The following ZBTB8B variants were observed in gnomAD, a reference collection of about 807,000 sequenced individuals.
ZBTB8B encodes the protein zinc finger and BTB domain containing 8B.
Under a neutral mutation model 30.3 loss-of-function variants are expected in ZBTB8B, and 17 were observed. The ratio of observed to expected loss-of-function variants is 0.56; its 90% confidence interval spans 0.38 to 0.84. The LOEUF (loss-of-function observed/expected upper bound fraction) is 0.84, where lower values mean the gene tolerates loss of function less well. Ranked by LOEUF, ZBTB8B falls within the 40% of genes least tolerant of loss-of-function variation. The pLI, the probability that ZBTB8B is intolerant of heterozygous loss-of-function variation, is 0.00. For synonymous variants in ZBTB8B, 248 were observed against 255.6 expected, an observed-to-expected ratio of 0.97 and a Z score of 0.28; for missense variants, 515 against 644.9, an observed-to-expected ratio of 0.80 and a Z score of 2.18.
At position 32,492,630 on chromosome 1, in the gene ZBTB8B, A is replaced by C. The variant is rs1643787330; in HGVS notation, c.*7212A>C. The C allele has an allele frequency of 6.6e-6, 1 of 152,176 alleles. No homozygotes were observed. The highest frequency in any genetic ancestry group is 1.5e-5 in the Non-Finnish European group (1 of 68,102). The allele number at this position is 152,176 out of a possible 1,614,324, so 9.4% of individuals were successfully genotyped here. A position where few individuals can be genotyped will look rare whatever the true frequency, so the allele number is the denominator to read the frequency against. On this transcript the variant is annotated 3_prime_UTR_variant, in exon 4 of 4. Transcript: ENST00000609129. ...AAACCGTGCCTCTTATTCCTGTGTC[A>C]TGTGGTGCTACTCTTGCCTGCTTCT...
At chr1:32,476,615 G>A (rs1643666737) in intron 2 of ZBTB8B, among the ~76,000 whole-genome samples, 8 of 151,974 alleles carry the variant, frequency 5.3e-5, no homozygotes, top group Middle Eastern at 6.8e-3. Flanking sequence ...GTTTGACCAC[G>A]TACCTTCCTT....
At chr1:32,481,107 C>A (rs1460503008) in intron 3 of ZBTB8B, 38 bp downstream of exon 3, 3 of 1,509,304 alleles carry the variant, frequency 2.0e-6, no homozygotes, top group Non-Finnish European at 2.7e-6. Context: ...GTGGCAAGAG[C>A]TATTCATGAT....
In ZBTB8B at chr1:32,465,723, G is replaced by A. The variant is rs1643565813; in HGVS notation, c.-42+618G>A. On this transcript the variant is annotated intron_variant, in intron 1 of 3. Coordinates refer to ENST00000609129, the MANE Select transcript of ZBTB8B (RefSeq NM_001145720.2). This position sits in a 1 kb window ranked among gnomAD's most constrained non-coding sequence, Gnocchi z 4.1. ...GTGTCCTGGAGGGTTTGAGGAGGCC[G>A]GTTAGCATAGTGGTTAAGGATGTCA... Among the ~76,000 whole-genome samples, 2 of 152,192 alleles carry A rather than the reference G, an allele frequency of 1.3e-5. No homozygotes were observed. Among genetic ancestry groups the A allele is most frequent in the Admixed American group, 6.5e-5 (1 of 15,274 alleles).
chr1:32,483,555 G>A (rs905010811), intron 3 of ZBTB8B, among the ~76,000 whole-genome samples: 3 of 152,156 alleles, frequency 2.0e-5, no homozygotes, highest in Admixed American at 2.0e-4. Flanking sequence ...AGAGGTGGGG[G>A]GATGGGGGAA....
intron 2 of ZBTB8B, among the ~76,000 whole-genome samples, chr1:32,477,506 A>C (rs1025621199): frequency 6.6e-6 from 1 of 152,196 alleles, no homozygotes; most frequent in Non-Finnish European, 1.5e-5. Flanking sequence ...TGTGTGGTAC[A>C]AAGCTAAGGT....
At chr1:32,483,246 A>T (rs1490232848) in intron 3 of ZBTB8B, among the ~76,000 whole-genome samples, 1 of 80,610 alleles carries the variant, frequency 1.2e-5, no homozygotes, top group African/African-American at 4.1e-5. Context: ...TAAAAATCCA[A>T]AAAAAAAAAA....
intron 1 of ZBTB8B, 70 bp from the exon 2 acceptor site, chr1:32,470,514 A>AAAATAAAAAAT: frequency 9.1e-7 from 1 of 1,100,550 alleles, no homozygotes; most frequent in Admixed American, 3.3e-5. Flanking sequence ...AAAAAAAAAA[A>AAAATAAAAAAT]AAAAAAAAAA....
At chr1:32,480,201 G>A (rs545706499) in intron 2 of ZBTB8B, among the ~76,000 whole-genome samples, 2 of 151,752 alleles carry the variant, frequency 1.3e-5, no homozygotes, top group Admixed American at 1.3e-4. Flanking sequence ...TTCTGGTGAG[G>A]CCTCTTCCTG....
rs1284342494 is a variant in ZBTB8B, at chr1:32,486,002, G to T, written c.*584G>T. The T allele has an allele frequency of 6.5e-6, 1 of 153,510 alleles. No homozygotes were observed. Among genetic ancestry groups the T allele is most frequent in the Non-Finnish European group, 1.4e-5 (1 of 69,002 alleles). The allele number at this position is 153,510 out of a possible 1,614,324, so 9.5% of individuals were successfully genotyped here. A position where few individuals can be genotyped will look rare whatever the true frequency, so the allele number is the denominator to read the frequency against. On this transcript the variant is annotated 3_prime_UTR_variant, in exon 4 of 4. Transcript: ENST00000609129. ...GGAATACTTATGGGCAGACGAACATGGGAATGATCTGAAAGGCTCATTATG... is the reference window on the plus strand; with the variant it reads ...GGAATACTTATGGGCAGACGAACATTGGAATGATCTGAAAGGCTCATTATG...
rs1643779713 is a variant in ZBTB8B at position 32,491,561 on chromosome 1, A to G, written c.*6143A>G. The G allele has an allele frequency of 6.6e-6, 1 of 152,220 alleles. No individual in the cohort carries two copies. Among genetic ancestry groups the G allele is most frequent in the Non-Finnish European group, 1.5e-5 (1 of 68,046 alleles). The allele number at this position is 152,220 out of a possible 1,614,324, so 9.4% of individuals were successfully genotyped here. A position where few individuals can be genotyped will look rare whatever the true frequency, so the allele number is the denominator to read the frequency against. On this transcript the variant is annotated 3_prime_UTR_variant, in exon 4 of 4. Transcript: ENST00000609129. Reference sequence around the variant, plus strand: ...TGGCATAGTGCAGGTGCAAGGAGACAGATCTACATGGGGCAAGTATGGAAG... The same window carrying G: ...TGGCATAGTGCAGGTGCAAGGAGACGGATCTACATGGGGCAAGTATGGAAG...
rs1452050015 is a variant in ZBTB8B at position 32,494,607 on chromosome 1, T to G, written c.*9189T>G. 1 of 152,084 alleles carries G rather than the reference T, an allele frequency of 6.6e-6. No homozygotes were observed. The highest frequency in any genetic ancestry group is 1.9e-4 in the East Asian group (1 of 5,202). The allele number at this position is 152,084 out of a possible 1,614,324, so 9.4% of individuals were successfully genotyped here. On this transcript the variant is annotated 3_prime_UTR_variant, in exon 4 of 4. Transcript: ENST00000609129. ...TCTTTGTCCTGTAATACCACACATA[T>G]CTAAAACATAAACCACCATGGAACA...
At position 32,485,746 on chromosome 1, in the gene ZBTB8B, G is replaced by GT; in HGVS notation, c.*333dup. 3.6e-6 allele frequency: 1 copy of GT among 276,724 alleles called. No homozygotes were observed. Among genetic ancestry groups the GT allele is most frequent in the East Asian group, 8.2e-5 (1 of 12,150 alleles). 17.1% of individuals were successfully genotyped at this position (276,724 alleles called of 1,614,324 possible). A position where few individuals can be genotyped will look rare whatever the true frequency, so the allele number is the denominator to read the frequency against. ...GAAAGATAAGAAAATCTCCAGGCTTGTTTTTATATTGATTCAGTCCTCTGC... is the reference window on the plus strand; with the variant it reads ...GAAAGATAAGAAAATCTCCAGGCTTGTTTTTTATATTGATTCAGTCCTCTGC... On this transcript the variant is annotated 3_prime_UTR_variant, in exon 4 of 4. Transcript: ENST00000609129.
rs940265760 is a variant in ZBTB8B at position 32,489,039 on chromosome 1, C to T, written c.*3621C>T. The T allele has an allele frequency of 3.9e-5, 6 of 152,168 alleles. No individual in the cohort carries two copies. Among genetic ancestry groups the T allele is most frequent in the African/African-American group, 7.2e-5 (3 of 41,428 alleles). The allele number at this position is 152,168 out of a possible 1,614,324, so 9.4% of individuals were successfully genotyped here. A position where few individuals can be genotyped will look rare whatever the true frequency, so the allele number is the denominator to read the frequency against. ...CTTGAACTCCTGACCTCAAGTGATC[C>T]GCCTGCCTCAGCCTCCCAAAGTGCT... On this transcript the variant is annotated 3_prime_UTR_variant, in exon 4 of 4. Coordinates refer to ENST00000609129, the MANE Select transcript of ZBTB8B (RefSeq NM_001145720.2).
At chr1:32,467,670 G>C (rs1346569702) in intron 1 of ZBTB8B, among the ~76,000 whole-genome samples, 1 of 152,168 alleles carries the variant, frequency 6.6e-6, no homozygotes, top group Non-Finnish European at 1.5e-5. Flanking sequence ...TACTGTAAGG[G>C]ATATAAAATT....
chr1:32,466,384 G>GTGTGGTGGCT (rs1643570414), intron 1 of ZBTB8B, among the ~76,000 whole-genome samples: 1 of 152,198 alleles, frequency 6.6e-6, no homozygotes, highest in Admixed American at 6.5e-5. Flanking sequence ...GGCATTGTAT[G>GTGTGGTGGCT]TAGCCGGTAA....
rs150362472 is a variant in ZBTB8B at position 32,491,316 on chromosome 1, T to C, written c.*5898T>C. On this transcript the variant is annotated 3_prime_UTR_variant, in exon 4 of 4. Coordinates refer to ENST00000609129, the MANE Select transcript of ZBTB8B (RefSeq NM_001145720.2). ...ACAGTTTCACATCTTTTACCATCCA[T>C]AGCCCCTGAGGAGCATCTACTGCCA... is the stretch of plus-strand genomic sequence containing the variant. 1.3e-5 allele frequency: 2 copies of C among 152,334 alleles called. No homozygotes were observed. The highest frequency in any genetic ancestry group is 3.9e-4 in the East Asian group (2 of 5,188). The allele number at this position is 152,334 out of a possible 1,614,324, so 9.4% of individuals were successfully genotyped here. A position where few individuals can be genotyped will look rare whatever the true frequency, so the allele number is the denominator to read the frequency against.
chr1:32,478,443 C>T (rs909778748), intron 2 of ZBTB8B, among the ~76,000 whole-genome samples: 5 of 150,824 alleles, frequency 3.3e-5, no homozygotes, highest in Admixed American at 3.3e-4. Flanking sequence ...ACCCAGGAGG[C>T]GGAGGTTGCA....
rs541643976 is a variant in ZBTB8B at position 32,477,535 on chromosome 1, G to T, written c.992-3356G>T. On this transcript the variant is annotated intron_variant, in intron 2 of 3. Transcript: ENST00000609129. ...CTAAGGTGATGGAGATAAATAACAA[G>T]GAAGTTCCACAGTGCCAGAGGAGTG... Among the ~76,000 whole-genome samples the T allele has an allele frequency of 2.5e-3, 383 of 152,246 alleles. 1 individual carries two copies. Among genetic ancestry groups the T allele is most frequent in the Admixed American group, 4.9e-3 (75 of 15,290 alleles).
In ZBTB8B at chr1:32,471,101, A is replaced by T. The variant is rs1440585539; in HGVS notation, c.477A>T (p.Glu159Asp). The T allele has an allele frequency of 6.4e-7, 1 of 1,551,412 alleles. No homozygotes were observed. The highest frequency in any genetic ancestry group is 2.4e-5 in the East Asian group (1 of 40,920). The change falls in exon 2 of 4, where the codon GAA becomes GAT. Residue 159 changes from glutamate (E) to aspartate (D), a missense_variant. By Grantham distance (45) the Glu-to-Asp change is conservative (BLOSUM62 2). This residue lies in a region of ZBTB8B where 429 missense variants were observed against 504.3 expected (regional missense o/e 0.85). Coordinates refer to ENST00000609129, the MANE Select transcript of ZBTB8B (RefSeq NM_001145720.2). ...AAAAAHQVDS[E>D]SPSSGREGTS... ...CGGCGGCTCATCAGGTTGACAGTGA[A>T]AGCCCCAGTTCAGGCCGGGAGGGGA...
Sources: allele counts gnomAD v4.1 joint callset (sites outside exome capture counted in the v4.1 genomes callset), GRCh38; gene constraint gnomAD v4.1.1; regional missense constraint gnomAD v4.1.1; non-coding constraint Gnocchi (gnomAD v3.1); transcripts MANE v1.5; gene names NCBI Gene and HGNC (gene_info 2026-07-23, HGNC 2026-07-21).